Variants in PCDHA1 observed in about 807,000 individuals in gnomAD.
PCDHA1 encodes the protein protocadherin alpha-1.
Under a neutral mutation model 61.3 loss-of-function variants are expected in PCDHA1, and 42 were observed. That is an observed-to-expected ratio of 0.69 (90% CI 0.54 to 0.89). The LOEUF (loss-of-function observed/expected upper bound fraction) is 0.89. Among genes scored for constraint, PCDHA1 ranks in the 40% least tolerant of loss-of-function variants. PCDHA1 has a pLI of 0.00. For missense variants in PCDHA1, 1,256 were observed against 1,235.3 expected (o/e 1.02, Z -0.25); for synonymous variants, 610 against 553.8 (o/e 1.10, Z -1.43).
chr5:140,806,841 C>G (rs559563314), intron 1 of PCDHA1: 35 of 267,634 alleles, frequency 1.3e-4, no homozygotes, highest in African/African-American at 7.7e-4. Context: ...AAGGACCACA[C>G]TCAATCAATC....
In PCDHA1 at chr5:140,877,039, C is replaced by T. The variant is rs782458785; in HGVS notation, c.2394+88355C>T. ...CGGCAAGGTGTACGCGCTGCAGCCG[C>T]TAGACCACGAGGAGCTGGAGCTGCT... is the stretch of plus-strand genomic sequence containing the variant. On this transcript the variant is annotated intron_variant, in intron 1 of 3. Transcript: ENST00000504120. The T allele has an allele frequency of 3.7e-6, 6 of 1,612,576 alleles. No homozygotes were observed. In the African/African-American group the frequency reaches 5.3e-5, roughly 14 times the overall value.
chr5:140,821,517 CA>C, intron 1 of PCDHA1: 1 of 397,696 alleles, frequency 2.5e-6, no homozygotes, highest in Admixed American at 4.1e-5. Context: ...CTAAATAAAG[CA>C]AAACAAAATA....
At chr5:140,895,130 G>A (rs1423440826) in intron 1 of PCDHA1, among the ~76,000 whole-genome samples, 11 of 152,232 alleles carry the variant, frequency 7.2e-5, no homozygotes, top group African/African-American at 2.6e-4. Flanking sequence ...TAGTTGACAA[G>A]TTCATAGGGC....
chr5:140,869,403 G>C, intron 1 of PCDHA1: 3 of 1,614,206 alleles, frequency 1.9e-6, no homozygotes, highest in Non-Finnish European at 2.5e-6. Flanking sequence ...GGCAGAGCGC[G>C]GAGTGCAGCA....
At chr5:140,921,202 C>T (rs528515993) in intron 1 of PCDHA1, among the ~76,000 whole-genome samples, 20 of 151,968 alleles carry the variant, frequency 1.3e-4, no homozygotes, top group African/African-American at 3.6e-4. Context: ...AGATTGACAA[C>T]GATAATTCAC....
intron 1 of PCDHA1, chr5:140,835,893 C>T: frequency 2.5e-6 from 4 of 1,612,040 alleles, no homozygotes; most frequent in Middle Eastern, 2.0e-4. Flanking sequence ...CGAGCGCGCG[C>T]TGTCGAGCTA....
intron 1 of PCDHA1, among the ~76,000 whole-genome samples, chr5:140,910,613 C>T (rs1470911168): frequency 1.3e-5 from 2 of 152,192 alleles, no homozygotes; most frequent in Admixed American, 1.3e-4. Context: ...ACTGACTAAT[C>T]CACTCCACCA....
intron 1 of PCDHA1, chr5:140,808,804 T>C (rs1326452473): frequency 3.1e-6 from 5 of 1,612,572 alleles, no homozygotes; most frequent in Admixed American, 3.3e-5. Flanking sequence ...CCGCTCGCGA[T>C]GCCGGCGTGC....
At chr5:140,891,644 T>C (rs1554184907) in intron 1 of PCDHA1, among the ~76,000 whole-genome samples, 1 of 152,246 alleles carries the variant, frequency 6.6e-6, no homozygotes, top group Non-Finnish European at 1.5e-5. Context: ...TGGGCTTTAT[T>C]GTGGATAGTT....
chr5:140,899,197 A>G (rs1300452676), intron 1 of PCDHA1, among the ~76,000 whole-genome samples: 2 of 152,018 alleles, frequency 1.3e-5, no homozygotes, highest in Admixed American at 6.6e-5. Context: ...TCTCCTGCCT[A>G]ATTGCCCTGG....
intron 1 of PCDHA1, chr5:140,848,580 G>T: frequency 6.3e-7 from 1 of 1,595,144 alleles, no homozygotes; most frequent in Non-Finnish European, 8.6e-7. Context: ...GGTGGGGAGC[G>T]GCCAGCTCCA....
chr5:140,913,552 T>A (rs1474729453), intron 1 of PCDHA1, among the ~76,000 whole-genome samples: 1 of 152,166 alleles, frequency 6.6e-6, no homozygotes, highest in African/African-American at 2.4e-5. Context: ...GTTTTGTTGA[T>A]CTCTTGTATT....
At chr5:140,801,149 A>C in intron 1 of PCDHA1, 3 of 1,529,906 alleles carry the variant, frequency 2.0e-6, no homozygotes, top group Non-Finnish European at 2.6e-6. Context: ...AATTATTTTT[A>C]AACTTTGGAT....
At chr5:140,855,049 C>A (rs188702829) in intron 1 of PCDHA1, among the ~76,000 whole-genome samples, 1 of 149,704 alleles carries the variant, frequency 6.7e-6, no homozygotes, top group Admixed American at 6.7e-5. Flanking sequence ...TGTAATAGTA[C>A]TTTTCTGTTT....
chr5:140,948,912 C>A (rs1038670333), intron 1 of PCDHA1, among the ~76,000 whole-genome samples: 1 of 150,924 alleles, frequency 6.6e-6, no homozygotes, highest in Non-Finnish European at 1.5e-5. Context: ...TCTTAGGTAA[C>A]TGATTAGGTA....
chr5:140,791,597 C>T (rs1761664873), intron 1 of PCDHA1, among the ~76,000 whole-genome samples: 1 of 151,792 alleles, frequency 6.6e-6, no homozygotes. Context: ...TTTTTTACAA[C>T]AGGAAATACA....
intron 1 of PCDHA1, among the ~76,000 whole-genome samples, chr5:140,934,198 A>G (rs918942390): frequency 3.7e-4 from 57 of 152,134 alleles, no homozygotes; most frequent in African/African-American, 1.3e-3. Context: ...TTTCATTTCT[A>G]TTTCCTCACA....
Position 140,923,994 on chromosome 5 carries a change from C to T in PCDHA1, c.2395-54955C>T, listed in dbSNP as rs147193427. ...ACATACTATCCCTCTAGGTGCAGCT[C>T]AGAATTCCTAAACCTGGTATAATTG... On this transcript the variant is annotated intron_variant, in intron 1 of 3. Transcript: ENST00000504120. Among the ~76,000 whole-genome samples the T allele has an allele frequency of 8.1e-3, 1,228 of 152,292 alleles. 6 individuals are homozygous for T. The highest frequency in any genetic ancestry group is 0.019 in the African/African-American group (795 of 41,560).
At chr5:140,801,270 G>A (rs781968055) in intron 1 of PCDHA1, 39 of 1,613,590 alleles carry the variant, frequency 2.4e-5, no homozygotes, top group Non-Finnish European at 2.7e-5. Flanking sequence ...CGCAGCCTCG[G>A]AGGTGGGGAG....
Sources: gnomAD v4.1 joint callset for allele counts (sites outside exome capture counted in the v4.1 genomes callset) on GRCh38, gnomAD v4.1.1 for gene constraint, MANE v1.5 for transcripts, NCBI Gene and HGNC (gene_info 2026-07-23, HGNC 2026-07-21) for gene names.